The following PI4KA variants were observed in gnomAD, a reference collection of about 807,000 sequenced individuals.
The protein encoded by PI4KA is PI4-kinase alpha.
A neutral mutation model predicts 271.4 loss-of-function variants in PI4KA; 122 were observed. The ratio of observed to expected loss-of-function variants is 0.45; its 90% CI spans 0.39 to 0.52. The LOEUF (loss-of-function observed/expected upper bound fraction) is 0.52, where lower values mean the gene tolerates loss of function less well. Ranked by LOEUF, PI4KA falls within the 20% of genes least tolerant of loss-of-function variation. The probability of loss-of-function intolerance (pLI) is 0.00; values close to 1 mark genes in which losing one functional copy is unlikely to be tolerated. For synonymous variants in PI4KA, 1,041 were observed against 1,078.8 expected (o/e 0.96, Z 0.69); for missense variants, 1,969 against 2,769.1 (o/e 0.71, Z 6.48).
intron 23 of PI4KA, among the ~76,000 whole-genome samples, chr22:20,755,263 T>C (rs1023700915): frequency 6.6e-6 from 1 of 152,204 alleles, no homozygotes; most frequent in Non-Finnish European, 1.5e-5. Flanking sequence ...CACTCGGAGC[T>C]CTTTCAGGTT....
At chr22:20,828,580 G>A (rs1018760737) in intron 3 of PI4KA, among the ~76,000 whole-genome samples, 3 of 151,978 alleles carry the variant, frequency 2.0e-5, no homozygotes, top group Non-Finnish European at 4.4e-5. Flanking sequence ...TTTTGAGACA[G>A]AGTCTTGCTC....
intron 19 of PI4KA, among the ~76,000 whole-genome samples, chr22:20,769,007 T>C (rs752157262): frequency 6.6e-6 from 1 of 151,716 alleles, no homozygotes; most frequent in African/African-American, 2.4e-5. Context: ...TATGAAGGGG[T>C]TTCCAGACTA....
In PI4KA at chr22:20,764,902, G is replaced by T; in HGVS notation, c.2623C>A (p.Pro875Thr). The T allele has an allele frequency of 6.2e-7, 1 of 1,613,442 alleles. No homozygotes were observed. Residue 875 changes from proline (P) to threonine (T), a missense_variant, in exon 22 of 55, where the codon CCT becomes ACT. By Grantham distance (38) the Pro-to-Thr change is conservative. This residue lies in a region of PI4KA where 368 missense variants were observed against 544.3 expected (regional missense o/e 0.68). Transcript: ENST00000255882. ...TTGATGAGTGCGGACACCTCGGGAG[G>T]GGGGTCCAGCAGGTTGATGATAGTG... The part of the protein sequence containing the change: ...RSTIINLLDP[P>T]PEVSALINKL...
chr22:20,822,717 G>A (rs970027696), intron 4 of PI4KA, among the ~76,000 whole-genome samples: 1 of 152,176 alleles, frequency 6.6e-6, no homozygotes, highest in Non-Finnish European at 1.5e-5. Flanking sequence ...AAAGGTGCTT[G>A]TCCAAAGCAT....
At chr22:20,823,635 G>C (rs1036722040) in intron 4 of PI4KA, among the ~76,000 whole-genome samples, 2 of 152,102 alleles carry the variant, frequency 1.3e-5, no homozygotes, top group African/African-American at 2.4e-5. Flanking sequence ...AAAAGCTTCA[G>C]CTACCTAGAA....
chr22:20,830,658 T>C (rs1055160892), intron 3 of PI4KA, among the ~76,000 whole-genome samples: 2 of 152,234 alleles, frequency 1.3e-5, no homozygotes, highest in Non-Finnish European at 2.9e-5. Context: ...AATATTGATA[T>C]GTGTGGCTCT....
At chr22:20,779,701 A>G in intron 19 of PI4KA, 1 of 1,614,226 alleles carries the variant, frequency 6.2e-7, no homozygotes, top group African/African-American at 1.3e-5. Context: ...AACATCCTCA[A>G]CGCCAAGTTC....
rs181109426 is a variant in PI4KA, at chr22:20,727,880, G to T, written c.4683-16C>A. ...GTTCTTAAACCTACAGTGCACAGAG[G>T]GTATGGGTGGTGCTGCCTCGCCAGG... On this transcript the variant is annotated splice_polypyrimidine_tract_variant and intron_variant, in intron 39 of 54. Coordinates refer to ENST00000255882, the MANE Select transcript of PI4KA (RefSeq NM_058004.4). 6.2e-7 allele frequency: 1 copy of T among 1,601,734 alleles called. No homozygotes were observed. The highest frequency in any genetic ancestry group is 1.7e-5 in the Admixed American group (1 of 59,736).
At chr22:20,722,422 G>A (rs924723897) in intron 42 of PI4KA, among the ~76,000 whole-genome samples, 4 of 152,056 alleles carry the variant, frequency 2.6e-5, no homozygotes, top group Non-Finnish European at 4.4e-5. Context: ...CCTCACCTCA[G>A]GTGATCCACC....
chr22:20,736,038 A>T (rs1486603377), intron 32 of PI4KA, among the ~76,000 whole-genome samples: 1 of 152,038 alleles, frequency 6.6e-6, no homozygotes, highest in Non-Finnish European at 1.5e-5. Context: ...TATGGTGGGG[A>T]CCACAGACAA....
chr22:20,858,746 T>G lies in PI4KA; in HGVS notation c.-21A>C. 1 of 1,368,974 alleles carries G rather than the reference T, an allele frequency of 7.3e-7. No individual in the cohort carries two copies. The allele number at this position is 1,368,974 out of a possible 1,614,324, so 84.8% of individuals were successfully genotyped here. ...GCCATCACCTCACGAGCCGCGGCGC[T>G]GCCCGCCGGCTCCCCGCTCCTGGCC... On this transcript the variant is annotated 5_prime_UTR_variant, in exon 1 of 55. Coordinates refer to ENST00000255882, the MANE Select transcript of PI4KA (RefSeq NM_058004.4).
chr22:20,730,068 A>T, intron 36 of PI4KA, 57 bp from the exon 37 acceptor site: 1 of 1,597,452 alleles, frequency 6.3e-7, no homozygotes, highest in Non-Finnish European at 8.6e-7. Flanking sequence ...AAGGTACCAC[A>T]AAAAATAAAC....
At chr22:20,720,013 A>C (rs534182027) in intron 43 of PI4KA, among the ~76,000 whole-genome samples, 1 of 143,986 alleles carries the variant, frequency 6.9e-6, no homozygotes, top group African/African-American at 2.7e-5. Flanking sequence ...GCGACTAATC[A>C]AGACTCTGTC....
chr22:20,857,502 T>C (rs1927747386), intron 1 of PI4KA, among the ~76,000 whole-genome samples: 1 of 152,176 alleles, frequency 6.6e-6, no homozygotes, highest in Admixed American at 6.5e-5. Context: ...GTCACCACTG[T>C]CTTATCTTGT....
At chr22:20,838,797 G>T in intron 1 of PI4KA, 66 bp from the exon 2 acceptor site, 1 of 922,010 alleles carries the variant, frequency 1.1e-6, no homozygotes, top group Non-Finnish European at 1.8e-6. Context: ...AATAAAGCAA[G>T]CTGAGTGCAG....
At chr22:20,839,761 C>T (rs776942043) in intron 1 of PI4KA, among the ~76,000 whole-genome samples, 31 of 151,886 alleles carry the variant, frequency 2.0e-4, no homozygotes, top group Non-Finnish European at 4.3e-4. Context: ...ACCCGGAAGG[C>T]GGAGGTTGCA....
intron 40 of PI4KA, 121 bp from the exon 41 acceptor site, chr22:20,727,518 G>C (rs1927505384): frequency 1.1e-6 from 1 of 949,150 alleles, no homozygotes; most frequent in Non-Finnish European, 1.5e-6. Flanking sequence ...CGGTAACCAT[G>C]GGGAAGATGC....
intron 33 of PI4KA, 35 bp downstream of exon 33, chr22:20,734,360 C>G: frequency 6.7e-7 from 1 of 1,501,934 alleles, no homozygotes; most frequent in Non-Finnish European, 9.1e-7. Context: ...CCAGGTGGAG[C>G]ACCCCACAGC....
chr22:20,846,944 G>A (rs932791128), intron 1 of PI4KA, among the ~76,000 whole-genome samples: 1 of 150,854 alleles, frequency 6.6e-6, no homozygotes, highest in African/African-American at 2.4e-5. Flanking sequence ...TCAGGAGTTC[G>A]AGACCAGCCT....
Sources: allele counts gnomAD v4.1 joint callset (sites outside exome capture counted in the v4.1 genomes callset), GRCh38; gene constraint gnomAD v4.1.1; regional missense constraint gnomAD v4.1.1; transcripts MANE v1.5; gene names NCBI Gene and HGNC (gene_info 2026-07-23, HGNC 2026-07-21).